CADPS2: variants seen among roughly 807,000 people sequenced by gnomAD.
The protein encoded by CADPS2 is calcium-dependent secretion activator 2.
A neutral mutation model predicts 172.5 loss-of-function variants in CADPS2; 93 were observed. That is an observed-to-expected ratio of 0.54 (90% CI 0.46 to 0.64). CADPS2 has a LOEUF of 0.64. Among genes scored for constraint, CADPS2 ranks in the 30% least tolerant of loss-of-function variants. The pLI is 0.00. For synonymous variants in CADPS2, 546 were observed against 555.2 expected, an observed-to-expected ratio of 0.98 and a Z score of 0.23; for missense variants, 1,420 against 1,565.9, an observed-to-expected ratio of 0.91 and a Z score of 1.57.
chr7:122,662,042 T>C (rs1236812146), intron 3 of CADPS2, among the ~76,000 whole-genome samples: 1 of 152,218 alleles, frequency 6.6e-6, no homozygotes, highest in Non-Finnish European at 1.5e-5. Flanking sequence ...CTCAGTGATT[T>C]ACTATTAACT....
chr7:122,648,895 A>G (rs1022125307), intron 3 of CADPS2, among the ~76,000 whole-genome samples: 3 of 152,152 alleles, frequency 2.0e-5, no homozygotes, highest in Non-Finnish European at 4.4e-5. Context: ...AACAATGCGT[A>G]GTGCTTGGAG....
At chr7:122,696,532 A>C (rs1417186325) in intron 2 of CADPS2, among the ~76,000 whole-genome samples, 1 of 150,740 alleles carries the variant, frequency 6.6e-6, no homozygotes, top group Non-Finnish European at 1.5e-5. Context: ...GTTATAGCTA[A>C]CTACTGCCCT....
chr7:122,647,224 TC>T (rs1005060714), intron 3 of CADPS2, among the ~76,000 whole-genome samples: 22 of 151,810 alleles, frequency 1.4e-4, no homozygotes, highest in Middle Eastern at 3.4e-3. Flanking sequence ...AGTTTTTTTT[TC>T]CAGTGGATCT....
intron 7 of CADPS2, among the ~76,000 whole-genome samples, chr7:122,570,087 G>T (rs576295210): frequency 1.3e-5 from 2 of 149,932 alleles, no homozygotes; most frequent in South Asian, 4.3e-4. Flanking sequence ...CCATCAGAGT[G>T]AACAGGCAAC....
At chr7:122,691,582 C>T (rs751823029) in intron 2 of CADPS2, among the ~76,000 whole-genome samples, 4 of 152,176 alleles carry the variant, frequency 2.6e-5, no homozygotes, top group East Asian at 1.9e-4. Context: ...ACCAGAGGTT[C>T]GCATAACGTC....
intron 2 of CADPS2, among the ~76,000 whole-genome samples, chr7:122,706,684 T>C (rs962579576): frequency 6.8e-6 from 1 of 147,336 alleles, no homozygotes; most frequent in African/African-American, 2.5e-5. Context: ...TACATATATA[T>C]ATTCTTTTAT....
intron 1 of CADPS2, 71 bp downstream of exon 1, chr7:122,885,928 G>A: frequency 1.3e-6 from 2 of 1,508,732 alleles, no homozygotes; most frequent in South Asian, 1.2e-5. Flanking sequence ...GACGGGAGGC[G>A]TCCCAGAGCT....
At chr7:122,722,239 A>G in intron 2 of CADPS2, among the ~76,000 whole-genome samples, 1 of 152,188 alleles carries the variant, frequency 6.6e-6, no homozygotes, top group Admixed American at 6.5e-5. Flanking sequence ...TTAGGAAAAG[A>G]GGAAGTCAAA....
intron 2 of CADPS2, among the ~76,000 whole-genome samples, chr7:122,673,469 TAC>T (rs1173834993): frequency 1.3e-5 from 2 of 152,110 alleles, no homozygotes; most frequent in Non-Finnish European, 2.9e-5. Flanking sequence ...ATTAGCTAGA[TAC>T]AGAGTGCTGA....
chr7:122,868,699 AT>A (rs1229943937), intron 1 of CADPS2, among the ~76,000 whole-genome samples: 6 of 152,224 alleles, frequency 3.9e-5, no homozygotes, highest in African/African-American at 7.2e-5. Context: ...GATGTTCCAA[AT>A]AAAAGAACAA....
At chr7:122,776,226 A>G (rs1265094959) in intron 1 of CADPS2, among the ~76,000 whole-genome samples, 1 of 152,126 alleles carries the variant, frequency 6.6e-6, no homozygotes, top group South Asian at 2.1e-4. Context: ...ATGATAGTGA[A>G]TAAATCTCAT....
rs919000848 is a variant in CADPS2, at chr7:122,600,800, C to T, written c.1223+14381G>A. Among the ~76,000 whole-genome samples the T allele has an allele frequency of 8.5e-5, 13 of 152,144 alleles. No individual in the cohort carries two copies. In the South Asian group the frequency reaches 1.7e-3, roughly 19 times the overall value. The stretch of plus-strand genomic sequence containing the variant: ...AATGAGCCTCTCCCAGATATTGGTT[C>T]AGTGGCCTTCACCCAGAATCCAGTA... On this transcript the variant is annotated intron_variant, in intron 6 of 29. Coordinates refer to ENST00000449022, the MANE Select transcript of CADPS2 (RefSeq NM_017954.11).
intron 11 of CADPS2, among the ~76,000 whole-genome samples, chr7:122,488,203 T>C (rs911408397): frequency 6.6e-6 from 1 of 152,092 alleles, no homozygotes; most frequent in Admixed American, 6.6e-5. Flanking sequence ...GGGAAGAGAT[T>C]TGACTTGAGT....
intron 7 of CADPS2, among the ~76,000 whole-genome samples, chr7:122,555,382 G>C (rs1290996222): frequency 6.6e-6 from 1 of 152,090 alleles, no homozygotes; most frequent in African/African-American, 2.4e-5. Flanking sequence ...GTGCCATGCA[G>C]ATAACACAAG....
intron 11 of CADPS2, among the ~76,000 whole-genome samples, chr7:122,484,469 A>G (rs1012196543): frequency 2.7e-5 from 4 of 150,054 alleles, no homozygotes; most frequent in African/African-American, 7.3e-5. Flanking sequence ...AGAAATACTG[A>G]TGGATACCTC....
intron 9 of CADPS2, among the ~76,000 whole-genome samples, chr7:122,512,019 CA>C (rs1228849415): frequency 2.0e-5 from 3 of 151,948 alleles, no homozygotes; most frequent in African/African-American, 4.8e-5. Flanking sequence ...TCTGTGTGTG[CA>C]CGTGTATGTA....
At chr7:122,418,672 C>A (rs3807874) in intron 17 of CADPS2, among the ~76,000 whole-genome samples, 61,531 of 151,766 alleles carry the variant, frequency 0.41, 12,581 homozygotes, top group African/African-American at 0.45. Flanking sequence ...ACTCCAAAGG[C>A]AGAATTTGTG....
intron 13 of CADPS2, among the ~76,000 whole-genome samples, chr7:122,472,698 C>T (rs986505889): frequency 6.6e-6 from 1 of 152,136 alleles, no homozygotes; most frequent in Non-Finnish European, 1.5e-5. Flanking sequence ...TATTGATGTT[C>T]ACTCTATGTG....
intron 3 of CADPS2, among the ~76,000 whole-genome samples, chr7:122,637,224 CA>C: frequency 9.1e-6 from 1 of 110,338 alleles, no homozygotes; most frequent in East Asian, 3.0e-4. Context: ...GACAGGGTCT[CA>C]CTCTGTGGCC....
Sources: allele counts gnomAD v4.1 joint callset (sites outside exome capture counted in the v4.1 genomes callset), GRCh38; gene constraint gnomAD v4.1.1; transcripts MANE v1.5; gene names NCBI Gene and HGNC (gene_info 2026-07-23, HGNC 2026-07-21).